SLC7A6: variants seen among roughly 807,000 people sequenced by gnomAD.
SLC7A6 encodes solute carrier family 7 member 6.
SLC7A6 carries 29 observed loss-of-function variants against 46.6 expected under a neutral mutation model. That is an observed-to-expected ratio of 0.62 (90% confidence interval 0.46 to 0.85). SLC7A6 has a LOEUF of 0.85. Ranked by LOEUF, SLC7A6 falls within the 40% of genes least tolerant of loss-of-function variation. The pLI is 0.00. For synonymous variants in SLC7A6, 276 were observed against 257.3 expected (o/e 1.07, Z -0.70); for missense variants, 527 against 647.6 (o/e 0.81, Z 2.02).
chr16:68,296,686 C>T lies in SLC7A6; in HGVS notation c.1329C>T (p.Pro443=). 2 of 1,614,166 alleles carry T rather than the reference C, an allele frequency of 1.2e-6. No homozygotes were observed. The highest frequency in any genetic ancestry group is 1.7e-6 in the Non-Finnish European group (2 of 1,180,020). ...GCTCCGTGTTTCTGGTGATAGTGCCCCTCTTCACTGACACCATTAATTCCC... is the reference window on the plus strand; with the variant it reads ...GCTCCGTGTTTCTGGTGATAGTGCCTCTCTTCACTGACACCATTAATTCCC... ...CICSVFLVIV[P]LFTDTINSLI... Residue 443 remains proline, a synonymous_variant, in exon 10 of 11, where the codon CCC becomes CCT. Coordinates refer to ENST00000219343, the MANE Select transcript of SLC7A6 (RefSeq NM_003983.6).
At chr16:68,291,828 G>A (rs1353600062) in intron 7 of SLC7A6, 167 bp downstream of exon 7, 18 of 578,528 alleles carry the variant, frequency 3.1e-5, no homozygotes, top group Non-Finnish European at 4.5e-5. Flanking sequence ...ACTTGCCTTT[G>A]TGCAAGTAGC....
At position 68,297,486 on chromosome 16, in the gene SLC7A6, A is replaced by T; in HGVS notation, c.*158A>T. ...GTGCTCACTCTTATTGGTAAGCTAT[A>T]GGAGACTCAGGATCTGGGCCAACCT... On this transcript the variant is annotated 3_prime_UTR_variant, in exon 11 of 11. Coordinates refer to ENST00000219343, the MANE Select transcript of SLC7A6 (RefSeq NM_003983.6). 5.4e-6 allele frequency: 2 copies of T among 372,396 alleles called. No individual in the cohort carries two copies. The highest frequency in any genetic ancestry group is 2.3e-5 in the African/African-American group (1 of 44,422). The allele number at this position is 372,396 out of a possible 1,614,324, so 23.1% of individuals were successfully genotyped here. A position where few individuals can be genotyped will look rare whatever the true frequency, so the allele number is the denominator to read the frequency against.
intron 3 of SLC7A6, chr16:68,287,240 A>T (rs2042954635): frequency 9.5e-7 from 1 of 1,055,072 alleles, no homozygotes; most frequent in Admixed American, 2.9e-5. Context: ...AGTTTCCCAA[A>T]GTGCTGGGAT....
intron 3 of SLC7A6, among the ~76,000 whole-genome samples, chr16:68,282,097 C>T (rs1428692768): frequency 1.3e-5 from 2 of 152,184 alleles, no homozygotes; most frequent in African/African-American, 4.8e-5. Context: ...TCAGAGTTCT[C>T]AGTAGAAAAG....
intron 2 of SLC7A6, among the ~76,000 whole-genome samples, chr16:68,273,203 C>G (rs988049828): frequency 1.3e-5 from 2 of 152,120 alleles, no homozygotes; most frequent in African/African-American, 4.8e-5. Flanking sequence ...CTAAGAACTA[C>G]TCACTCTTGA....
Position 68,288,742 on chromosome 16 carries a change from A to G in SLC7A6, c.649+871A>G, listed in dbSNP as rs993533212. 5.3e-5 allele frequency among the ~76,000 whole-genome samples: 8 copies of G among 151,738 alleles called. No homozygotes were observed. The South Asian group carries it at 6.2e-4, about 12-fold the overall frequency. On this transcript the variant is annotated intron_variant, in intron 4 of 10. Coordinates refer to ENST00000219343, the MANE Select transcript of SLC7A6 (RefSeq NM_003983.6). ...ACACTTTGGGAGGCTGAGGTGGGCG[A>G]ATCAGCAGGTCAGGAATTCGAGACC...
intron 2 of SLC7A6, 60 bp from the exon 3 acceptor site, chr16:68,274,631 G>T: frequency 7.0e-7 from 1 of 1,433,624 alleles, no homozygotes; most frequent in Non-Finnish European, 9.5e-7. Context: ...AGGGAAATCT[G>T]GTCTAAATAG....
intron 3 of SLC7A6, 38 bp downstream of exon 3, chr16:68,275,287 G>C (rs1297220454): frequency 6.4e-6 from 10 of 1,573,754 alleles, no homozygotes; most frequent in Non-Finnish European, 8.7e-6. Flanking sequence ...GTTGGGGGGT[G>C]GGGGGTACTA....
At chr16:68,275,366 C>T (rs768454656) in intron 3 of SLC7A6, 117 bp downstream of exon 3, 182 of 1,294,172 alleles carry the variant, frequency 1.4e-4, no homozygotes, top group Non-Finnish European at 1.8e-4. Context: ...GAGGCTGAGG[C>T]GGGCGGATCA....
chr16:68,301,622 T>C lies in SLC7A6; in HGVS notation c.*4294T>C. 2.6e-6 allele frequency: 1 copy of C among 389,002 alleles called. No homozygotes were observed. Among genetic ancestry groups the C allele is most frequent in the Non-Finnish European group, 4.6e-6 (1 of 218,802 alleles). The allele number at this position is 389,002 out of a possible 1,614,324, so 24.1% of individuals were successfully genotyped here. ...CCTTCACACTGGAGTATTTTGTCAC[T>C]TCTCCCCTCCGTGGAGTATTTTGTC... On this transcript the variant is annotated 3_prime_UTR_variant, in exon 11 of 11. Transcript: ENST00000219343.
In SLC7A6 at chr16:68,269,491, G is replaced by A. The variant is rs762963620; in HGVS notation, c.-37+2770G>A. Among the ~76,000 whole-genome samples the A allele has an allele frequency of 2.6e-5, 4 of 152,128 alleles. No homozygotes were observed. In the South Asian group the frequency reaches 6.2e-4, roughly 24 times the overall value. On this transcript the variant is annotated intron_variant, in intron 2 of 10. Transcript: ENST00000219343. ...TGGGTGTTATTGTTGCTATGGTTAC[G>A]TTAGGTGCACCAATGACTTCAAATT...
intron 4 of SLC7A6, among the ~76,000 whole-genome samples, chr16:68,288,212 G>A (rs1056365882): frequency 7.2e-5 from 11 of 152,146 alleles, no homozygotes; most frequent in African/African-American, 2.4e-4. Context: ...TGTGGTCTGT[G>A]ACTGCCAAGC....
intron 3 of SLC7A6, among the ~76,000 whole-genome samples, chr16:68,276,282 A>G (rs575065188): frequency 6.6e-6 from 1 of 152,226 alleles, no homozygotes. Context: ...AGTAAGGAGA[A>G]AAGATTGCTG....
At chr16:68,272,208 G>A (rs60132727) in intron 2 of SLC7A6, among the ~76,000 whole-genome samples, 7,067 of 152,158 alleles carry the variant, frequency 0.046, 531 homozygotes, top group African/African-American at 0.16. Context: ...GAGGCCAGGA[G>A]TTCAAGACCA....
At chr16:68,277,472 C>T (rs1596979517) in intron 3 of SLC7A6, among the ~76,000 whole-genome samples, 2 of 151,774 alleles carry the variant, frequency 1.3e-5, no homozygotes, top group South Asian at 4.2e-4. Flanking sequence ...CCACCGTGCC[C>T]GGCTAATTTT....
intron 3 of SLC7A6, among the ~76,000 whole-genome samples, chr16:68,279,386 A>G (rs2042787883): frequency 6.6e-6 from 1 of 152,204 alleles, no homozygotes; most frequent in African/African-American, 2.4e-5. Flanking sequence ...TACTCTTAGA[A>G]AACATGGTTT....
intron 1 of SLC7A6, chr16:68,265,610 T>C (rs1309214370): frequency 1.3e-5 from 2 of 152,152 alleles, no homozygotes; most frequent in African/African-American, 2.4e-5. Flanking sequence ...TACTTCCTTA[T>C]ATCAGTTCCA....
At chr16:68,285,081 T>G (rs891829340) in intron 3 of SLC7A6, among the ~76,000 whole-genome samples, 1 of 152,144 alleles carries the variant, frequency 6.6e-6, no homozygotes, top group Non-Finnish European at 1.5e-5. Flanking sequence ...CACTTCTGCT[T>G]CTTTTTGTGT....
In SLC7A6 at chr16:68,274,075, T is replaced by A. The variant is rs114417821; in HGVS notation, c.-36-616T>A. 5.2e-3 allele frequency among the ~76,000 whole-genome samples: 787 copies of A among 152,262 alleles called. 8 individuals are homozygous for A. Among genetic ancestry groups the A allele is most frequent in the African/African-American group, 0.017 (720 of 41,552 alleles). On this transcript the variant is annotated intron_variant, in intron 2 of 10. Coordinates refer to ENST00000219343, the MANE Select transcript of SLC7A6 (RefSeq NM_003983.6). ...GCGCCCAGCCAGGTGTGTATTTTAA[T>A]GAGGGACTTCCCCTTGGTTTAGTCA...
Sources: allele counts gnomAD v4.1 joint callset (sites outside exome capture counted in the v4.1 genomes callset), GRCh38; gene constraint gnomAD v4.1.1; transcripts MANE v1.5; gene names NCBI Gene and HGNC (gene_info 2026-07-23, HGNC 2026-07-21).